The following DLEU7 variants were observed in gnomAD, a reference collection of about 807,000 sequenced individuals.
DLEU7 encodes deleted in lymphocytic leukemia 7.
DLEU7 carries 17 observed loss-of-function variants against 16.0 expected under a neutral mutation model. The ratio of observed to expected loss-of-function variants is 1.06; its 90% CI spans 0.73 to 1.59. DLEU7 has a LOEUF of 1.59. Among genes scored for constraint, DLEU7 ranks in the 40% most tolerant of loss-of-function variants. The pLI, the probability that DLEU7 is intolerant of heterozygous loss-of-function variation, is 0.00. For synonymous variants in DLEU7, 113 were observed against 139.8 expected (o/e 0.81, Z 1.35); for missense variants, 308 against 314.9 (o/e 0.98, Z 0.17).
chr13:50,780,302 G>A lies in DLEU7; in HGVS notation c.459+62886C>T, dbSNP rs187516227. Among the ~76,000 whole-genome samples the A allele has an allele frequency of 2.2e-3, 333 of 152,292 alleles. 4 individuals are homozygous for A. Among genetic ancestry groups the A allele is most frequent in the African/African-American group, 7.6e-3 (316 of 41,578 alleles). Reference sequence around the variant, plus strand: ...CATGCCACAGATTACTGCTCTGTGCGTTGTAGCAAATTGAGTCCACCAAAT... The same window carrying A: ...CATGCCACAGATTACTGCTCTGTGCATTGTAGCAAATTGAGTCCACCAAAT... On this transcript the variant is annotated intron_variant, in intron 1 of 1. Transcript: ENST00000400393.
chr13:50,765,763 G>T (rs1020987482), intron 1 of DLEU7, among the ~76,000 whole-genome samples: 11 of 152,034 alleles, frequency 7.2e-5, no homozygotes, highest in African/African-American at 1.4e-4. Context: ...GCACTGTACT[G>T]GGAGCCAGCA....
chr13:50,817,977 C>T (rs1040688323), downstream of DLEU7, among the ~76,000 whole-genome samples: 1 of 152,042 alleles, frequency 6.6e-6, no homozygotes, highest in Non-Finnish European at 1.5e-5. Flanking sequence ...CCAGTATGTC[C>T]CCAACTTTTA....
downstream of DLEU7, chr13:50,822,494 GA>G (rs11330207): frequency 0.5 from 158,151 of 317,256 alleles, 33,782 homozygotes; most frequent in African/African-American, 0.57. Flanking sequence ...GACTGTTGTT[GA>G]AAAAAAAAAA....
chr13:50,798,850 C>G (rs948631410), intron 1 of DLEU7, among the ~76,000 whole-genome samples: 4 of 152,164 alleles, frequency 2.6e-5, no homozygotes, highest in African/African-American at 9.7e-5. Context: ...CCTGGTTCCC[C>G]CTAGCTCTTG....
intron 1 of DLEU7, among the ~76,000 whole-genome samples, chr13:50,801,531 G>C (rs917928632): frequency 6.6e-6 from 1 of 152,062 alleles, no homozygotes; most frequent in East Asian, 1.9e-4. Context: ...CCACTGGTTG[G>C]CATGGAAATA....
chr13:50,790,851 G>C (rs1489092909), intron 1 of DLEU7, among the ~76,000 whole-genome samples: 1 of 152,116 alleles, frequency 6.6e-6, no homozygotes, highest in Non-Finnish European at 1.5e-5. Context: ...CTGAGGCTTT[G>C]TGCTCTTTAG....
rs1049720862 is a variant in DLEU7 at position 50,769,960 on chromosome 13, G to T, written c.460-56720C>A. 3.3e-5 allele frequency among the ~76,000 whole-genome samples: 5 copies of T among 152,058 alleles called. No homozygotes were observed. In the East Asian group the frequency reaches 5.8e-4, roughly 18 times the overall value. ...ATTTGTTTGTGTCCTCTTTTATTTC[G>T]TTGAGCAGTGGTTTGTAGTCCTTCA... On this transcript the variant is annotated intron_variant, in intron 1 of 1. Coordinates refer to the DLEU7 transcript ENST00000400393.
intron 1 of DLEU7, among the ~76,000 whole-genome samples, chr13:50,774,751 C>T (rs955218145): frequency 2.6e-5 from 4 of 152,054 alleles, no homozygotes; most frequent in African/African-American, 7.2e-5. Flanking sequence ...AATTGCACAG[C>T]TCACTGGGGG....
chr13:50,717,271 A>G (rs1873464341), intron 1 of DLEU7, among the ~76,000 whole-genome samples: 1 of 152,248 alleles, frequency 6.6e-6, no homozygotes, highest in African/African-American at 2.4e-5. Flanking sequence ...GCTGGATATT[A>G]GAAAGTTTAT....
chr13:50,762,893 CA>C (rs963058833), intron 1 of DLEU7, among the ~76,000 whole-genome samples: 2 of 151,700 alleles, frequency 1.3e-5, no homozygotes, highest in African/African-American at 4.8e-5. Context: ...AGGGATGTTG[CA>C]GGGAGAGAAA....
intron 1 of DLEU7, among the ~76,000 whole-genome samples, chr13:50,716,502 C>T (rs922780483): frequency 6.6e-6 from 1 of 152,194 alleles, no homozygotes; most frequent in Non-Finnish European, 1.5e-5. Flanking sequence ...GATCTCTAAT[C>T]CTTGGGCTAC....
intron 1 of DLEU7, among the ~76,000 whole-genome samples, chr13:50,723,875 A>T (rs557098445): frequency 6.6e-6 from 1 of 152,068 alleles, no homozygotes. Context: ...ATATATATAT[A>T]TAATTTATAT....
chr13:50,751,807 T>C (rs1266918662), intron 1 of DLEU7, among the ~76,000 whole-genome samples: 4 of 152,250 alleles, frequency 2.6e-5, no homozygotes, highest in Admixed American at 2.6e-4. Flanking sequence ...ACTGAGGTTA[T>C]GTGGATTTTC....
intron 1 of DLEU7, among the ~76,000 whole-genome samples, chr13:50,840,855 A>C (rs2137818941): frequency 6.6e-6 from 1 of 152,302 alleles, no homozygotes; most frequent in Middle Eastern, 3.4e-3. Context: ...TTTTAGGTAG[A>C]AAGATATTTC....
intron 1 of DLEU7, among the ~76,000 whole-genome samples, chr13:50,736,607 A>AT (rs773104187): frequency 2.6e-5 from 4 of 152,188 alleles, no homozygotes; most frequent in Non-Finnish European, 5.9e-5. Flanking sequence ...CCAAAGAGGA[A>AT]TGATCTCAAC....
chr13:50,756,026 G>A (rs1874747775), intron 1 of DLEU7, among the ~76,000 whole-genome samples: 1 of 152,160 alleles, frequency 6.6e-6, no homozygotes, highest in Non-Finnish European at 1.5e-5. Flanking sequence ...CCTCCAGGCT[G>A]GTACTGGGGG....
intron 1 of DLEU7, among the ~76,000 whole-genome samples, chr13:50,814,450 T>A (rs1421031496): frequency 6.6e-6 from 1 of 152,086 alleles, no homozygotes; most frequent in Non-Finnish European, 1.5e-5. Flanking sequence ...TTATATAAAT[T>A]ATGTTGTTTC....
Position 50,726,518 on chromosome 13 carries a change from G to A in DLEU7, c.460-13278C>T, listed in dbSNP as rs553442305. ...ACAAGGGTTTAAATTAAGGGTAAACGTTGCATTTTCAAATCACAAAAGTTT... is the reference window on the plus strand; with the variant it reads ...ACAAGGGTTTAAATTAAGGGTAAACATTGCATTTTCAAATCACAAAAGTTT... On this transcript the variant is annotated intron_variant, in intron 1 of 1. Transcript: ENST00000400393. This position sits in a 1 kb window ranked among gnomAD's most constrained non-coding sequence, Gnocchi z 4.0. Among the ~76,000 whole-genome samples, 1 of 152,230 alleles carries A rather than the reference G, an allele frequency of 6.6e-6. No individual in the cohort carries two copies. Among genetic ancestry groups the A allele is most frequent in the South Asian group, 2.1e-4 (1 of 4,828 alleles).
At chr13:50,782,342 T>A (rs1479677742) in intron 1 of DLEU7, among the ~76,000 whole-genome samples, 1 of 152,214 alleles carries the variant, frequency 6.6e-6, no homozygotes. Context: ...GCCATGGTAA[T>A]CATTTTCCCA....
Sources: gnomAD v4.1 joint callset for allele counts (sites outside exome capture counted in the v4.1 genomes callset) on GRCh38, gnomAD v4.1.1 for gene constraint, Gnocchi (gnomAD v3.1) non-coding constraint, MANE v1.5 for transcripts, NCBI Gene and HGNC (gene_info 2026-07-23, HGNC 2026-07-21) for gene names.